The following FBN2 variants were observed in gnomAD, a reference collection of about 807,000 sequenced individuals.
FBN2 encodes fibrillin 2, also known as fibrillin-2.
A neutral mutation model predicts 355.6 loss-of-function variants in FBN2; 105 were observed. That is an observed-to-expected ratio of 0.30 (90% confidence interval 0.25 to 0.35). FBN2 has a LOEUF of 0.35. Among genes scored for constraint, FBN2 ranks in the 10% least tolerant of loss-of-function variants. The probability of loss-of-function intolerance (pLI) is 1.00; values close to 1 mark genes in which losing one functional copy is unlikely to be tolerated. For missense variants in FBN2, 3,280 were observed against 3,758.7 expected (o/e 0.87, Z 3.33); for synonymous variants, 1,350 against 1,301.2 (o/e 1.04, Z -0.81).
intron 16 of FBN2, among the ~76,000 whole-genome samples, chr5:128,368,477 C>CACATATATAT: frequency 6.9e-6 from 1 of 144,280 alleles, no homozygotes; most frequent in African/African-American, 2.6e-5. Context: ...CATATATATA[C>CACATATATAT]ATATATATAC....
At chr5:128,387,033 T>G (rs188428082) in intron 11 of FBN2, among the ~76,000 whole-genome samples, 262 of 152,276 alleles carry the variant, frequency 1.7e-3, no homozygotes, top group Non-Finnish European at 2.5e-3. Flanking sequence ...CTCTTCTTTA[T>G]ACATCTGGCG....
intron 13 of FBN2, 31 bp from the exon 14 acceptor site, chr5:128,376,884 CT>C: frequency 6.2e-7 from 1 of 1,611,566 alleles, no homozygotes; most frequent in Non-Finnish European, 8.5e-7. Flanking sequence ...ACTTTGAACA[CT>C]GGCCTTGAGG....
chr5:128,354,889 A>G (rs538577841), intron 20 of FBN2, among the ~76,000 whole-genome samples: 2 of 152,208 alleles, frequency 1.3e-5, no homozygotes, highest in Non-Finnish European at 2.9e-5. Context: ...AGTTGGAAAC[A>G]CAAATCTGGA....
intron 55 of FBN2, among the ~76,000 whole-genome samples, chr5:128,284,017 C>T (rs1713216644): frequency 6.6e-6 from 1 of 152,130 alleles, no homozygotes; most frequent in South Asian, 2.1e-4. Flanking sequence ...TCTGAGCCTC[C>T]TTTTTCTCTC....
Position 128,538,002 on chromosome 5 carries a change from T to A in FBN2, c.-399A>T. The A allele has an allele frequency of 4.2e-6, 1 of 236,836 alleles. No homozygotes were observed. Among genetic ancestry groups the A allele is most frequent in the Non-Finnish European group, 8.1e-6 (1 of 122,846 alleles). 14.7% of individuals were successfully genotyped at this position (236,836 alleles called of 1,614,324 possible). ...AGAAAAAAGGGCCTGCACGCAGAGC[T>A]CGGCGGATTCCCGTGCGCTCCGAAG... On this transcript the variant is annotated 5_prime_UTR_variant, in exon 1 of 65. Coordinates refer to ENST00000262464, the MANE Select transcript of FBN2 (RefSeq NM_001999.4).
At chr5:128,282,340 T>C (rs528070498) in intron 55 of FBN2, among the ~76,000 whole-genome samples, 1 of 152,304 alleles carries the variant, frequency 6.6e-6, no homozygotes, top group African/African-American at 2.4e-5. Flanking sequence ...TAAAAAGTTT[T>C]TTTAGTTTAT....
At chr5:128,298,309 T>C (rs967885107) in intron 48 of FBN2, among the ~76,000 whole-genome samples, 2 of 151,720 alleles carry the variant, frequency 1.3e-5, no homozygotes, top group South Asian at 2.1e-4. Context: ...CTGACAATTA[T>C]GTGTCTTGGT....
chr5:128,393,630 T>C (rs1470563595), intron 9 of FBN2, among the ~76,000 whole-genome samples: 2 of 152,264 alleles, frequency 1.3e-5, no homozygotes, highest in African/African-American at 2.4e-5. Flanking sequence ...TTTTATTTTA[T>C]GCACCTAAGT....
chr5:128,349,164 C>G (rs1256431009), intron 23 of FBN2, among the ~76,000 whole-genome samples, 183 bp downstream of exon 23: 2 of 152,116 alleles, frequency 1.3e-5, no homozygotes, highest in African/African-American at 4.8e-5. Context: ...TGGCATGAAA[C>G]AGAAACAATT....
Position 128,537,548 on chromosome 5 carries a change from A to G in FBN2, c.56T>C (p.Val19Ala). 6.3e-7 allele frequency: 1 copy of G among 1,599,394 alleles called. No individual in the cohort carries two copies. Among genetic ancestry groups the G allele is most frequent in the Non-Finnish European group, 8.5e-7 (1 of 1,175,124 alleles). Residue 19 changes from valine (V) to alanine (A), a missense_variant, in exon 1 of 65, where the codon GTG (valine) becomes GCG (alanine). Val to Ala is a moderately conservative substitution (Grantham distance 64). Transcript: ENST00000262464. The stretch of plus-strand genomic sequence containing the variant: ...GGCCGTGCCCTGCGCCCAGAGCACC[A>G]CACAGCCCAGCCACAGGAAGTAGAG... Reference protein sequence around the residue: ...LQLYFLWLGCVVLWAQGTAGQ... With the variant: ...LQLYFLWLGCAVLWAQGTAGQ...
chr5:128,272,250 C>T (rs368629880), intron 61 of FBN2, 132 bp from the exon 62 acceptor site: 1 of 1,031,122 alleles, frequency 9.7e-7, no homozygotes. Context: ...CATAGAGAGG[C>T]TGTCATTTTT....
At chr5:128,414,128 G>A (rs1753136994) in intron 7 of FBN2, among the ~76,000 whole-genome samples, 1 of 152,132 alleles carries the variant, frequency 6.6e-6, no homozygotes, top group Non-Finnish European at 1.5e-5. Flanking sequence ...CAGCTTTACT[G>A]AGACATGATT....
In FBN2 at chr5:128,304,949, C is replaced by A. The variant is rs757696210; in HGVS notation, c.5800+8G>T. 1.2e-6 allele frequency: 2 copies of A among 1,613,988 alleles called. No homozygotes were observed. The highest frequency in any genetic ancestry group is 1.6e-4 in the Middle Eastern group (1 of 6,062). ...ACTTCACTCCCTGGAGCCACATGCC[C>A]TTCTTACCCATGCACATGGTCTGGT... On this transcript the variant is annotated splice_region_variant and intron_variant, in intron 45 of 64. Transcript: ENST00000262464.
At chr5:128,479,930 GTCTCTCTCTCTCTCTCTCTC>G (rs1180726296) in intron 5 of FBN2, among the ~76,000 whole-genome samples, 3 of 58,134 alleles carry the variant, frequency 5.2e-5, no homozygotes, top group Non-Finnish European at 6.9e-5. Context: ...TTGTCTCCTT[GTCTCTCTCTCTCTCTCTCTC>G]TCTCTCTCTC....
intron 5 of FBN2, among the ~76,000 whole-genome samples, chr5:128,466,927 A>T (rs1754729956): frequency 1.3e-5 from 2 of 152,192 alleles, no homozygotes; most frequent in South Asian, 4.1e-4. Flanking sequence ...TAAACATTAA[A>T]TTCCTAATTA....
At chr5:128,343,505 C>T (rs1422876032) in intron 25 of FBN2, among the ~76,000 whole-genome samples, 2 of 152,006 alleles carry the variant, frequency 1.3e-5, no homozygotes, top group Non-Finnish European at 2.9e-5. Flanking sequence ...GGAGGGAGTG[C>T]GATAAGGGGA....
chr5:128,410,529 T>G (rs1753035647), intron 7 of FBN2, among the ~76,000 whole-genome samples: 1 of 152,252 alleles, frequency 6.6e-6, no homozygotes, highest in Admixed American at 6.5e-5. Context: ...GCCCAGGATT[T>G]ATGCAAAATA....
At chr5:128,278,591 AT>A (rs1765454063) in intron 57 of FBN2, 43 bp downstream of exon 57, 2 of 1,558,004 alleles carry the variant, frequency 1.3e-6, no homozygotes, top group East Asian at 4.5e-5. Flanking sequence ...AATTCATAAA[AT>A]TTAATGTGTT....
Position 128,435,731 on chromosome 5 carries a change from A to G in FBN2, c.952+10750T>C, listed in dbSNP as rs138203580. On this transcript the variant is annotated intron_variant, in intron 7 of 64. Coordinates refer to ENST00000262464, the MANE Select transcript of FBN2 (RefSeq NM_001999.4). The stretch of plus-strand genomic sequence containing the variant: ...ATAATTTTCCTCTTGTTACTGGGAT[A>G]AATATGTTTGAAAATAAAATAGATT... Among the ~76,000 whole-genome samples, 476 of 152,322 alleles carry G rather than the reference A, an allele frequency of 3.1e-3. 2 individuals carry two copies. Among genetic ancestry groups the G allele is most frequent in the Non-Finnish European group, 5.7e-3 (385 of 68,016 alleles).
Sources: allele counts gnomAD v4.1 joint callset (sites outside exome capture counted in the v4.1 genomes callset), GRCh38; gene constraint gnomAD v4.1.1; transcripts MANE v1.5; gene names NCBI Gene and HGNC (gene_info 2026-07-23, HGNC 2026-07-21).